Variants in MAD1L1 observed in about 807,000 individuals in gnomAD.
MAD1L1 encodes mitotic arrest deficient 1 like 1.
In MAD1L1, 95 loss-of-function variants were observed where a neutral mutation model predicts 96.9. That is an observed-to-expected ratio of 0.98 (90% CI 0.83 to 1.16). MAD1L1 has a LOEUF of 1.16. MAD1L1 is among the 50% of genes most tolerant of loss of function. The pLI is 0.00. For missense variants in MAD1L1, 1,007 were observed against 954.4 expected, an observed-to-expected ratio of 1.06 and a Z score of -0.73; for synonymous variants, 473 against 396.6, an observed-to-expected ratio of 1.19 and a Z score of -2.29.
intron 15 of MAD1L1, among the ~76,000 whole-genome samples, chr7:1,974,678 A>G (rs1780551233): frequency 6.6e-6 from 1 of 152,268 alleles, no homozygotes; most frequent in Admixed American, 6.5e-5. Context: ...CATCCAAGTA[A>G]CAGTTTCAGA....
intron 12 of MAD1L1, among the ~76,000 whole-genome samples, chr7:2,050,648 G>T (rs1784128142): frequency 6.6e-6 from 1 of 150,630 alleles, no homozygotes; most frequent in African/African-American, 2.4e-5. Flanking sequence ...AGACTGTGGT[G>T]CAGGGAACTT....
At chr7:2,002,389 A>G (rs1584044032) in intron 13 of MAD1L1, among the ~76,000 whole-genome samples, 1 of 152,214 alleles carries the variant, frequency 6.6e-6, no homozygotes, top group Admixed American at 6.5e-5. Context: ...CATTCCTAAA[A>G]CCTGCCTCAG....
chr7:2,072,131 G>A (rs1473397181), intron 11 of MAD1L1, among the ~76,000 whole-genome samples: 13 of 152,082 alleles, frequency 8.5e-5, no homozygotes, highest in Non-Finnish European at 1.8e-4. Context: ...CTCGCGACCA[G>A]CACCAGAAGG....
At chr7:2,061,247 G>C (rs1046501852) in intron 12 of MAD1L1, among the ~76,000 whole-genome samples, 5 of 152,230 alleles carry the variant, frequency 3.3e-5, no homozygotes, top group Non-Finnish European at 7.3e-5. Flanking sequence ...TGAGGCAGGA[G>C]AATTGCTTGA....
intron 17 of MAD1L1, among the ~76,000 whole-genome samples, chr7:1,925,912 A>G (rs2128458471): frequency 6.6e-6 from 1 of 152,366 alleles, no homozygotes; most frequent in South Asian, 2.1e-4. Flanking sequence ...TAAAGCAGGC[A>G]GAAGGAAGGA....
At chr7:1,856,481 G>A (rs942971002) in intron 18 of MAD1L1, among the ~76,000 whole-genome samples, 2 of 152,236 alleles carry the variant, frequency 1.3e-5, no homozygotes, top group African/African-American at 4.8e-5. Context: ...CACCCCCACA[G>A]CCCCCGCTGG....
At chr7:1,887,709 ATG>A (rs199756559) in intron 18 of MAD1L1, among the ~76,000 whole-genome samples, 2,694 of 133,620 alleles carry the variant, frequency 0.02, 78 homozygotes, top group African/African-American at 0.073. Context: ...ATGCATAGGC[ATG>A]TGTGTGCATA....
At chr7:2,053,430 A>G (rs1351864921) in intron 12 of MAD1L1, among the ~76,000 whole-genome samples, 1 of 152,226 alleles carries the variant, frequency 6.6e-6, no homozygotes, top group Non-Finnish European at 1.5e-5. Flanking sequence ...AGCCTGCTGT[A>G]TGCAAGGAAC....
intron 16 of MAD1L1, among the ~76,000 whole-genome samples, chr7:1,952,947 A>C (rs11768212): frequency 0.19 from 28,512 of 152,222 alleles, 3,276 homozygotes; most frequent in Middle Eastern, 0.31. Context: ...GCCCCGGTAC[A>C]GGGACACGAC....
At chr7:1,908,219 G>A (rs965321353) in intron 17 of MAD1L1, among the ~76,000 whole-genome samples, 4 of 152,202 alleles carry the variant, frequency 2.6e-5, no homozygotes, top group African/African-American at 7.2e-5. Flanking sequence ...CAGCTGCCCC[G>A]CAACTCTCGC....
chr7:1,969,697 G>A (rs1365079587), intron 15 of MAD1L1, among the ~76,000 whole-genome samples: 2 of 152,120 alleles, frequency 1.3e-5, no homozygotes, highest in African/African-American at 4.8e-5. Flanking sequence ...ACACACAAAA[G>A]ATCAGTTGTA....
rs371679617 is a variant in MAD1L1, at chr7:1,941,522, C to T, written c.1597-4625G>A. 3.8e-4 allele frequency among the ~76,000 whole-genome samples: 58 copies of T among 152,328 alleles called. 1 individual carries two copies. In the South Asian group the frequency reaches 0.012, roughly 31 times the overall value. On this transcript the variant is annotated intron_variant, in intron 16 of 18. Transcript: ENST00000265854. ...CACCCTCTGGCCCCCAACAGTGCAG[C>T]GCCCTGCACTGCTGGCCCCGCTGGG...
chr7:2,212,876 C>G (rs991302312), intron 10 of MAD1L1, among the ~76,000 whole-genome samples: 1 of 152,158 alleles, frequency 6.6e-6, no homozygotes, highest in African/African-American at 2.4e-5. Flanking sequence ...GAATGATTTC[C>G]CCCAAAAGCA....
intron 18 of MAD1L1, among the ~76,000 whole-genome samples, chr7:1,860,178 C>T (rs1402100151): frequency 9.8e-5 from 14 of 142,812 alleles, no homozygotes; most frequent in Admixed American, 8.3e-4. Flanking sequence ...TCCTGCGGGG[C>T]GGCCTCTGTG....
Position 2,132,411 on chromosome 7 carries a change from G to A in MAD1L1, c.1073+16741C>T, listed in dbSNP as rs557600336. On this transcript the variant is annotated intron_variant, in intron 11 of 18. Coordinates refer to ENST00000265854, the MANE Select transcript of MAD1L1 (RefSeq NM_001013836.2). ...TCCACCATCACGGCCGCGTGCAGTC[G>A]GTTCACTGCTGCGTGCGACCGCGCG... is the stretch of plus-strand genomic sequence containing the variant. 4.7e-3 allele frequency among the ~76,000 whole-genome samples: 700 copies of A among 149,900 alleles called. 1 individual carries two copies. Among genetic ancestry groups the A allele is most frequent in the Non-Finnish European group, 6.7e-3 (449 of 67,372 alleles).
chr7:1,967,772 G>A (rs1476958358), intron 15 of MAD1L1, among the ~76,000 whole-genome samples: 2 of 152,360 alleles, frequency 1.3e-5, no homozygotes, highest in East Asian at 3.9e-4. Context: ...GCCGCGGGGA[G>A]ATCACGCAGC....
At chr7:2,064,685 T>C (rs1784803903) in intron 12 of MAD1L1, among the ~76,000 whole-genome samples, 1 of 139,862 alleles carries the variant, frequency 7.1e-6, no homozygotes, top group Non-Finnish European at 1.5e-5. Context: ...CTCCCAGGAA[T>C]ATGGCAGCTT....
intron 17 of MAD1L1, among the ~76,000 whole-genome samples, chr7:1,932,318 G>T (rs560056437): frequency 6.6e-6 from 1 of 152,060 alleles, no homozygotes; most frequent in East Asian, 1.9e-4. Flanking sequence ...CTCTGCTTCC[G>T]CGGCAGAAGC....
intron 17 of MAD1L1, among the ~76,000 whole-genome samples, chr7:1,916,824 G>A (rs373629472): frequency 5.3e-5 from 8 of 152,110 alleles, no homozygotes; most frequent in Admixed American, 2.6e-4. Context: ...TGAACAGCCC[G>A]GGCACCCCCA....
Sources: allele counts gnomAD v4.1 joint callset (sites outside exome capture counted in the v4.1 genomes callset), GRCh38; gene constraint gnomAD v4.1.1; transcripts MANE v1.5; gene names NCBI Gene and HGNC (gene_info 2026-07-23, HGNC 2026-07-21).